Variants in ATP11B observed in about 807,000 individuals in gnomAD.
ATP11B encodes the protein ATPase phospholipid transporting 11B (putative).
Under a neutral mutation model 157.8 loss-of-function variants are expected in ATP11B, and 81 were observed. That is an observed-to-expected ratio of 0.51 (90% CI 0.43 to 0.62). The LOEUF (loss-of-function observed/expected upper bound fraction) is 0.62, where lower values mean the gene tolerates loss of function less well. Among genes scored for constraint, ATP11B ranks in the 20% least tolerant of loss-of-function variants. The probability of loss-of-function intolerance (pLI) is 0.00; values close to 1 mark genes in which losing one functional copy is unlikely to be tolerated. For synonymous variants in ATP11B, 451 were observed against 469.4 expected, an observed-to-expected ratio of 0.96 and a Z score of 0.51; for missense variants, 1,165 against 1,402.2, an observed-to-expected ratio of 0.83 and a Z score of 2.70.
chr3:182,852,486 T>C (rs1299496600), intron 10 of ATP11B, among the ~76,000 whole-genome samples: 2 of 152,190 alleles, frequency 1.3e-5, no homozygotes, highest in African/African-American at 2.4e-5. Context: ...TTAGATGAAA[T>C]GGGCAGATTC....
At chr3:182,833,286 A>G (rs1447195221) in intron 4 of ATP11B, among the ~76,000 whole-genome samples, 2 of 152,152 alleles carry the variant, frequency 1.3e-5, no homozygotes, top group Non-Finnish European at 2.9e-5. Flanking sequence ...AAAAGCAAAA[A>G]TGAAACTGAA....
chr3:182,901,905 A>T (rs1488152113), intron 28 of ATP11B, among the ~76,000 whole-genome samples: 3 of 152,142 alleles, frequency 2.0e-5, no homozygotes, highest in South Asian at 2.1e-4. Flanking sequence ...AAGCTAGTAT[A>T]GTCTTCCTTC....
intron 20 of ATP11B, 33 bp from the exon 21 acceptor site, chr3:182,880,846 C>A: frequency 7.2e-7 from 1 of 1,394,074 alleles, no homozygotes; most frequent in Non-Finnish European, 9.8e-7. Context: ...ATTGAACTTG[C>A]GTCATAAATA....
intron 15 of ATP11B, 85 bp downstream of exon 15, chr3:182,867,529 G>A: frequency 1.3e-6 from 1 of 759,814 alleles, no homozygotes. Context: ...AGCTCACAGG[G>A]CAAATGTGGC....
At chr3:182,875,056 T>A (rs1721931379) in intron 19 of ATP11B, among the ~76,000 whole-genome samples, 1 of 152,194 alleles carries the variant, frequency 6.6e-6, no homozygotes, top group African/African-American at 2.4e-5. Context: ...ATACTCTAAA[T>A]TCTGTCTTTT....
chr3:182,796,484 A>G (rs1445596562), intron 1 of ATP11B, among the ~76,000 whole-genome samples: 7 of 152,214 alleles, frequency 4.6e-5, no homozygotes, highest in Admixed American at 4.6e-4. Context: ...ATTAAAATTA[A>G]AATTTGAATT....
At chr3:182,808,061 A>T (rs1428520147) in intron 1 of ATP11B, among the ~76,000 whole-genome samples, 3 of 152,228 alleles carry the variant, frequency 2.0e-5, no homozygotes, top group African/African-American at 7.2e-5. Context: ...CAATGAGTGT[A>T]ATTGGCGGAT....
chr3:182,866,279 T>C lies in ATP11B; in HGVS notation c.1455T>C (p.His485=). Residue 485 remains histidine, a synonymous_variant, in exon 14 of 30, where the codon CAT becomes CAC. Coordinates refer to ENST00000323116, the MANE Select transcript of ATP11B (RefSeq NM_014616.3). ...TTACATTTTTACAGATTAAAGAACATGATCTCTTCTTTAAAGCAGTCAGTC... is the reference window on the plus strand; with the variant it reads ...TTACATTTTTACAGATTAAAGAACACGATCTCTTCTTTAAAGCAGTCAGTC... ...PENETELIKE[H]DLFFKAVSLC... The C allele has an allele frequency of 3.2e-6, 5 of 1,571,778 alleles. No homozygotes were observed. Among genetic ancestry groups the C allele is most frequent in the Non-Finnish European group, 4.3e-6 (5 of 1,154,682 alleles).
At position 182,836,455 on chromosome 3, in the gene ATP11B, A is replaced by G. The variant is rs749034862; in HGVS notation, c.537A>G (p.Gly179=). The part of the protein sequence containing the change: ...SCHVTTASLD[G]ETNLKTHVAV... ...ACGTTACAACTGCTAGTTTGGACGG[A>G]GAAACTAACCTGAAGGTTTGCTTGC... Residue 179 remains glycine, a synonymous_variant, in exon 6 of 30, where the codon GGA becomes GGG. Coordinates refer to ENST00000323116, the MANE Select transcript of ATP11B (RefSeq NM_014616.3). The G allele has an allele frequency of 6.2e-7, 1 of 1,613,986 alleles. No homozygotes were observed. Among genetic ancestry groups the G allele is most frequent in the Non-Finnish European group, 8.5e-7 (1 of 1,179,872 alleles).
intron 18 of ATP11B, 26 bp from the exon 19 acceptor site, chr3:182,873,786 T>C: frequency 6.4e-7 from 1 of 1,574,298 alleles, no homozygotes. Flanking sequence ...TATTCTCTAC[T>C]ACTAATTTGT....
intron 29 of ATP11B, chr3:182,917,590 G>A (rs944715730): frequency 1.0e-6 from 1 of 985,320 alleles, no homozygotes; most frequent in Middle Eastern, 5.2e-4. Flanking sequence ...TAGCTGAAAT[G>A]AAATGATCAA....
chr3:182,896,226 C>A (rs551812719), intron 25 of ATP11B, among the ~76,000 whole-genome samples: 2 of 152,312 alleles, frequency 1.3e-5, no homozygotes, highest in South Asian at 4.1e-4. Context: ...ATCCATTATC[C>A]TTCCTTTCAG....
At chr3:182,830,436 G>A (rs576568250) in intron 4 of ATP11B, among the ~76,000 whole-genome samples, 1 of 152,132 alleles carries the variant, frequency 6.6e-6, no homozygotes, top group Non-Finnish European at 1.5e-5. Context: ...AGCATGAATT[G>A]ACATTAAAAT....
At position 182,884,869 on chromosome 3, in the gene ATP11B, G is replaced by T; in HGVS notation, c.2626G>T (p.Ala876Ser). The T allele has an allele frequency of 6.6e-7, 1 of 1,520,790 alleles. No homozygotes were observed. The allele number at this position is 1,520,790 out of a possible 1,614,324, so 94.2% of individuals were successfully genotyped here. A position where few individuals can be genotyped will look rare whatever the true frequency, so the allele number is the denominator to read the frequency against. The change falls in exon 22 of 30, where the codon GCT (alanine) becomes TCT (serine). Residue 876 changes from alanine (A) to serine (S), a missense_variant. Ala to Ser is a moderately conservative substitution (Grantham distance 99, BLOSUM62 1). This residue lies in a region of ATP11B where 737 missense variants were observed against 930.5 expected (regional missense o/e 0.79). Coordinates refer to ENST00000323116, the MANE Select transcript of ATP11B (RefSeq NM_014616.3). The stretch of plus-strand genomic sequence containing the variant: ...TGGTCATTTTTATTATATTAGAATA[G>T]CTACCCTTGTACAGTATTTTTTTTA... ...VHGHFYYIRIATLVQYFFYKN... is the reference protein window; with the variant it reads ...VHGHFYYIRISTLVQYFFYKN...
intron 19 of ATP11B, among the ~76,000 whole-genome samples, chr3:182,879,131 A>G (rs1014432016): frequency 2.6e-5 from 4 of 152,078 alleles, no homozygotes; most frequent in East Asian, 1.9e-4. Flanking sequence ...AAATTAGCCA[A>G]TCATAGTGGC....
intron 10 of ATP11B, among the ~76,000 whole-genome samples, chr3:182,856,259 A>T (rs1720394271): frequency 6.6e-6 from 1 of 152,196 alleles, no homozygotes; most frequent in Non-Finnish European, 1.5e-5. Context: ...CAGTAAAAAA[A>T]TTAGGTAATA....
At position 182,866,399 on chromosome 3, in the gene ATP11B, T is replaced by G. The variant is rs551006421; in HGVS notation, c.1575T>G (p.Tyr525Ter). 1 of 1,613,290 alleles carries G rather than the reference T, an allele frequency of 6.2e-7. No homozygotes were observed. The highest frequency in any genetic ancestry group is 8.5e-7 in the Non-Finnish European group (1 of 1,179,528). ...TGGCACCATCGCAGTTGGAGTACTA[T>G]GCATCTTCACCAGATGAAAAGGCTC... ...SNLAPSQLEY[Y>*]ASSPDEKALV... Residue 525 changes from tyrosine (Y) to a stop codon, truncating the protein, a stop_gained, in exon 14 of 30, where the codon TAT becomes TAG. Coordinates refer to ENST00000323116, the MANE Select transcript of ATP11B (RefSeq NM_014616.3). LOFTEE classifies it high-confidence loss of function.
chr3:182,800,612 T>C (rs1483059728), intron 1 of ATP11B, among the ~76,000 whole-genome samples: 3 of 152,162 alleles, frequency 2.0e-5, no homozygotes, highest in Admixed American at 6.5e-5. Context: ...ATGCATTGAA[T>C]TTCTGTTACT....
chr3:182,867,289 G>T, intron 14 of ATP11B, 87 bp from the exon 15 acceptor site: 1 of 820,590 alleles, frequency 1.2e-6, no homozygotes. Context: ...GATTTTAAAT[G>T]TTTTTATTCA....
Sources: allele counts gnomAD v4.1 joint callset (sites outside exome capture counted in the v4.1 genomes callset), GRCh38; gene constraint gnomAD v4.1.1; regional missense constraint gnomAD v4.1.1; transcripts MANE v1.5; gene names NCBI Gene and HGNC (gene_info 2026-07-23, HGNC 2026-07-21).